CCSER1: variants seen among roughly 807,000 people sequenced by gnomAD.
The protein encoded by CCSER1 is serine-rich coiled-coil domain-containing protein 1.
In CCSER1, 41 loss-of-function variants were observed where a neutral mutation model predicts 82.0. The ratio of observed to expected loss-of-function variants is 0.50; its 90% confidence interval spans 0.39 to 0.65. CCSER1 has a LOEUF of 0.65. Among genes scored for constraint, CCSER1 ranks in the 30% least tolerant of loss-of-function variants. The pLI, the probability that CCSER1 is intolerant of heterozygous loss-of-function variation, is 0.00. For missense variants in CCSER1, 1,119 were observed against 1,064.2 expected (o/e 1.05, Z -0.72); for synonymous variants, 414 against 383.9 (o/e 1.08, Z -0.92).
chr4:91,231,248 C>T (rs1359704000), intron 10 of CCSER1, among the ~76,000 whole-genome samples: 1 of 151,802 alleles, frequency 6.6e-6, no homozygotes, highest in African/African-American at 2.4e-5. Flanking sequence ...GATGGCTTAG[C>T]TCCACAATGG....
At chr4:90,342,641 CCT>C (rs1008333843) in intron 3 of CCSER1, among the ~76,000 whole-genome samples, 45 of 152,196 alleles carry the variant, frequency 3.0e-4, no homozygotes, top group African/African-American at 1.0e-3. Flanking sequence ...ACCGAGTATC[CCT>C]CTGTCACCTG....
chr4:91,158,202 C>T (rs531532348), intron 10 of CCSER1, among the ~76,000 whole-genome samples: 2 of 151,962 alleles, frequency 1.3e-5, no homozygotes, highest in Non-Finnish European at 2.9e-5. Context: ...GAATATCTCT[C>T]AGTTAGTATT....
intron 10 of CCSER1, among the ~76,000 whole-genome samples, chr4:91,255,977 G>A (rs142356120): frequency 2.0e-5 from 3 of 152,286 alleles, no homozygotes; most frequent in African/African-American, 7.2e-5. Context: ...AGATGTTCAG[G>A]GAACAAGGGA....
intron 9 of CCSER1, among the ~76,000 whole-genome samples, chr4:91,014,678 GTAAACAT>G (rs1739272284): frequency 2.4e-5 from 2 of 82,514 alleles, no homozygotes; most frequent in East Asian, 5.2e-4. Context: ...CTAAGCAAAT[GTAAACAT>G]ACATTCAAAA....
intron 10 of CCSER1, among the ~76,000 whole-genome samples, chr4:91,144,141 T>A (rs1729314295): frequency 6.6e-6 from 1 of 152,074 alleles, no homozygotes. Flanking sequence ...ATTTTAGAAC[T>A]CATTATTGGT....
rs78376146 is a variant in CCSER1, at chr4:91,153,738, G to A, written c.2217+67744G>A. On this transcript the variant is annotated intron_variant, in intron 10 of 10. Transcript: ENST00000509176. ...GATTTTCCTTCTAACAGTGAAGACCGTCAGCTGCAGGTCTGTTGGAGTTTG... is the reference window on the plus strand; with the variant it reads ...GATTTTCCTTCTAACAGTGAAGACCATCAGCTGCAGGTCTGTTGGAGTTTG... 3.5e-3 allele frequency among the ~76,000 whole-genome samples: 531 copies of A among 152,068 alleles called. 3 individuals are homozygous for A. The highest frequency in any genetic ancestry group is 0.01 in the African/African-American group (423 of 41,528).
chr4:91,415,972 G>A (rs544011466), intron 10 of CCSER1, among the ~76,000 whole-genome samples: 2 of 152,072 alleles, frequency 1.3e-5, no homozygotes, highest in South Asian at 4.1e-4. Context: ...GTTTCACCAG[G>A]AATGGTACTC....
chr4:90,147,889 G>T (rs985612805), intron 1 of CCSER1, among the ~76,000 whole-genome samples: 1 of 152,136 alleles, frequency 6.6e-6, no homozygotes, highest in Non-Finnish European at 1.5e-5. Context: ...AAAAGGCCGG[G>T]CATGGTGGCT....
At chr4:90,667,177 C>T (rs1464913133) in intron 6 of CCSER1, among the ~76,000 whole-genome samples, 1 of 152,106 alleles carries the variant, frequency 6.6e-6, no homozygotes, top group African/African-American at 2.4e-5. Flanking sequence ...GCCTGTGGCA[C>T]AAGGGCTCAT....
chr4:90,789,850 G>A (rs114007271), intron 7 of CCSER1, among the ~76,000 whole-genome samples: 3,756 of 152,072 alleles, frequency 0.025, 75 homozygotes, highest in Middle Eastern at 0.065. Flanking sequence ...TATCAGCAGC[G>A]TGAAAATGGA....
At chr4:90,157,475 A>T (rs991682077) in intron 1 of CCSER1, among the ~76,000 whole-genome samples, 8 of 152,152 alleles carry the variant, frequency 5.3e-5, no homozygotes, top group African/African-American at 1.9e-4. Context: ...GTGTTTTCTA[A>T]CTTGGTTCCA....
At chr4:90,985,291 C>A (rs1736489361) in intron 9 of CCSER1, among the ~76,000 whole-genome samples, 1 of 151,268 alleles carries the variant, frequency 6.6e-6, no homozygotes, top group Non-Finnish European at 1.5e-5. Context: ...TTCTTTCTTA[C>A]CTCTGTTGAA....
At chr4:90,240,144 G>C (rs1746570755) in intron 1 of CCSER1, among the ~76,000 whole-genome samples, 1 of 152,074 alleles carries the variant, frequency 6.6e-6, no homozygotes, top group African/African-American at 2.4e-5. Context: ...CATAGTCATG[G>C]GGCAAGCTGG....
intron 5 of CCSER1, among the ~76,000 whole-genome samples, chr4:90,623,375 T>G (rs544111341): frequency 2.3e-4 from 35 of 152,060 alleles, no homozygotes; most frequent in African/African-American, 8.0e-4. Context: ...GAACATCATA[T>G]GCAAAGGCCC....
chr4:90,432,539 C>T (rs146805239), intron 4 of CCSER1, among the ~76,000 whole-genome samples: 2 of 152,040 alleles, frequency 1.3e-5, no homozygotes, highest in Non-Finnish European at 2.9e-5. Flanking sequence ...TTCTTCTTCC[C>T]CTTGCTCCCT....
chr4:91,255,686 C>T lies in CCSER1; in HGVS notation c.2217+169692C>T, dbSNP rs191757260. On this transcript the variant is annotated intron_variant, in intron 10 of 10. Transcript: ENST00000509176. Reference sequence around the variant, plus strand: ...ATTTCATGGACATTTGTTAGTTCTCCAAATTAATACTTTTATAATTTCTTA... The same window carrying T: ...ATTTCATGGACATTTGTTAGTTCTCTAAATTAATACTTTTATAATTTCTTA... Among the ~76,000 whole-genome samples the T allele has an allele frequency of 1.6e-4, 24 of 152,280 alleles. 1 individual carries two copies. In the East Asian group the frequency reaches 4.6e-3, roughly 29 times the overall value.
chr4:90,272,078 G>C (rs76427776), intron 1 of CCSER1, among the ~76,000 whole-genome samples: 1 of 151,054 alleles, frequency 6.6e-6, no homozygotes, highest in African/African-American at 2.4e-5. Context: ...CGACAACAGC[G>C]TGGGGGAAAC....
Position 90,504,144 on chromosome 4 carries a change from AT to A in CCSER1, c.1724+35798del, listed in dbSNP as rs1185926412. On this transcript the variant is annotated intron_variant, in intron 5 of 10. Coordinates refer to ENST00000509176, the MANE Select transcript of CCSER1 (RefSeq NM_001145065.2). ...CTTTTAAGTAATGTCCAATTGGCCA[AT>A]TTTTTTTCAATAAGATCATATCTTC... Among the ~76,000 whole-genome samples, 9 of 151,874 alleles carry A rather than the reference AT, an allele frequency of 5.9e-5. No homozygotes were observed. The East Asian group carries it at 1.7e-3, about 29-fold the overall frequency.
At chr4:91,515,751 C>A (rs1760073484) in intron 10 of CCSER1, among the ~76,000 whole-genome samples, 1 of 151,792 alleles carries the variant, frequency 6.6e-6, no homozygotes, top group Admixed American at 6.6e-5. Flanking sequence ...GGGTAATTCT[C>A]TTTTTAGTTC....
Sources: gnomAD v4.1 joint callset for allele counts (sites outside exome capture counted in the v4.1 genomes callset) on GRCh38, gnomAD v4.1.1 for gene constraint, MANE v1.5 for transcripts, NCBI Gene and HGNC (gene_info 2026-07-23, HGNC 2026-07-21) for gene names.